MYDGF: variants seen among roughly 807,000 people sequenced by gnomAD.
MYDGF encodes the protein myeloid-derived growth factor.
A neutral mutation model predicts 24.2 loss-of-function variants in MYDGF; 29 were observed. That is an observed-to-expected ratio of 1.20 (90% confidence interval 0.89 to 1.63). The LOEUF is 1.63. Among genes scored for constraint, MYDGF ranks in the 40% most tolerant of loss-of-function variants. The pLI, the probability that MYDGF is intolerant of heterozygous loss-of-function variation, is 0.00. For synonymous variants in MYDGF, 105 were observed against 102.5 expected, an observed-to-expected ratio of 1.02 and a Z score of -0.15; for missense variants, 245 against 234.8, an observed-to-expected ratio of 1.04 and a Z score of -0.29.
intron 5 of MYDGF, among the ~76,000 whole-genome samples, chr19:4,658,732 G>A (rs1266712381): frequency 1.3e-5 from 2 of 152,080 alleles, no homozygotes; most frequent in Non-Finnish European, 2.9e-5. Context: ...CCTCCCCTCG[G>A]CATGCCACAG....
In MYDGF at chr19:4,660,407, C is replaced by T. The variant is rs60390215; in HGVS notation, c.369+262G>A. Among the ~76,000 whole-genome samples, 1,200 of 152,230 alleles carry T rather than the reference C, an allele frequency of 7.9e-3. 50 individuals are homozygous for T. In the East Asian group the frequency reaches 0.12, roughly 15 times the overall value. ...CCTCCCAAATTGCTGGGATTACTGG[C>T]GTGAACCGCCGCGCCTGGCCTGGAG... On this transcript the variant is annotated intron_variant, in intron 4 of 5. Coordinates refer to ENST00000262947, the MANE Select transcript of MYDGF (RefSeq NM_019107.4).
intron 5 of MYDGF, among the ~76,000 whole-genome samples, chr19:4,659,065 C>T (rs895967925): frequency 6.7e-6 from 1 of 149,990 alleles, no homozygotes; most frequent in East Asian, 2.0e-4. Flanking sequence ...AGGTGTGAGC[C>T]ACCATGCCCA....
At position 4,668,707 on chromosome 19, in the gene MYDGF, G is replaced by A. The variant is rs539851858; in HGVS notation, c.175-62C>T. On this transcript the variant is annotated intron_variant, in intron 1 of 5. Transcript: ENST00000262947. ...GAAATTTTTATTTTGTTTAAGAGAC[G>A]GGGTCTTGCTGTCACCCAAGCTGGA... The A allele has an allele frequency of 7.3e-5, 106 of 1,455,298 alleles. No individual in the cohort carries two copies. In the African/African-American group the frequency reaches 1.0e-3, roughly 14 times the overall value. The allele number at this position is 1,455,298 out of a possible 1,614,324, so 90.1% of individuals were successfully genotyped here.
intron 5 of MYDGF, 31 bp downstream of exon 5, chr19:4,659,900 T>C: frequency 6.2e-7 from 1 of 1,607,250 alleles, no homozygotes; most frequent in African/African-American, 1.3e-5. Flanking sequence ...GGGGGTGGCG[T>C]CACCTCTACC....
intron 3 of MYDGF, among the ~76,000 whole-genome samples, chr19:4,664,464 CG>C (rs1245455241): frequency 6.9e-6 from 1 of 144,260 alleles, no homozygotes; most frequent in African/African-American, 2.6e-5. Context: ...CACTACAGCC[CG>C]GGCAAAAGAT....
chr19:4,659,632 G>C (rs368311179), intron 5 of MYDGF: 6 of 493,510 alleles, frequency 1.2e-5, no homozygotes, highest in Admixed American at 6.8e-5. Flanking sequence ...GAGCAGCTGC[G>C]GTAACAGGCA....
intron 5 of MYDGF, 29 bp from the exon 6 acceptor site, chr19:4,658,113 C>G: frequency 1.9e-6 from 3 of 1,588,180 alleles, no homozygotes; most frequent in Non-Finnish European, 2.6e-6. Flanking sequence ...TGGTTGGGCC[C>G]TCAACATTGA....
chr19:4,665,071 T>G (rs1342099576), intron 2 of MYDGF, 134 bp from the exon 3 acceptor site: 4 of 917,806 alleles, frequency 4.4e-6, no homozygotes, highest in Non-Finnish European at 4.9e-6. Context: ...CTAAATCCCC[T>G]GCCCCGCCCT....
chr19:4,659,442 TG>T (rs1185285000), intron 5 of MYDGF, among the ~76,000 whole-genome samples: 10 of 152,164 alleles, frequency 6.6e-5, no homozygotes, highest in African/African-American at 2.4e-4. Context: ...CCAGCTGGTC[TG>T]GAACTCCTGA....
At chr19:4,663,297 C>T (rs1352807290) in intron 3 of MYDGF, among the ~76,000 whole-genome samples, 2 of 140,582 alleles carry the variant, frequency 1.4e-5, no homozygotes, top group African/African-American at 2.8e-5. Flanking sequence ...TCCACCCATC[C>T]CATCCTCATT....
In MYDGF at chr19:4,660,888, C is replaced by T. The variant is rs77125967; in HGVS notation, c.288-138G>A. ...TGCTTCTCAACATGGACGCCATTCC[C>T]GAGCACGAGCACCTGCTGACTGGGA... On this transcript the variant is annotated intron_variant, in intron 3 of 5. Coordinates refer to ENST00000262947, the MANE Select transcript of MYDGF (RefSeq NM_019107.4). 6.1e-3 allele frequency: 3,399 copies of T among 557,004 alleles called. 90 individuals carry two copies. Among genetic ancestry groups the T allele is most frequent in the African/African-American group, 0.057 (2,912 of 51,456 alleles). 34.5% of individuals were successfully genotyped at this position (557,004 alleles called of 1,614,324 possible).
chr19:4,670,293 G>T lies in MYDGF; in HGVS notation c.42C>A (p.Ser14Arg). The change falls in exon 1 of 6, where the codon AGC becomes AGA. Residue 14 changes from serine to arginine, a missense_variant. Coordinates refer to ENST00000262947, the MANE Select transcript of MYDGF (RefSeq NM_019107.4). ...PSGGWNGVGASLWAALLLGAV... is the reference protein window; with the variant it reads ...PSGGWNGVGARLWAALLLGAV... ...CCCCTAGGAGCAGCGCGGCCCACAA[G>T]CTCGCGCCGACGCCGTTCCACCCTC... 1 of 1,513,898 alleles carries T rather than the reference G, an allele frequency of 6.6e-7. No individual in the cohort carries two copies. Among genetic ancestry groups the T allele is most frequent in the Admixed American group, 2.2e-5 (1 of 45,482 alleles). 93.8% of individuals were successfully genotyped at this position (1,513,898 alleles called of 1,614,324 possible).
chr19:4,661,226 A>T (rs551699738), intron 3 of MYDGF, among the ~76,000 whole-genome samples: 2 of 152,196 alleles, frequency 1.3e-5, no homozygotes, highest in South Asian at 4.1e-4. Context: ...TCAGCCTCCC[A>T]GAGGGCTGTG....
At chr19:4,662,514 C>T (rs1002525588) in intron 3 of MYDGF, among the ~76,000 whole-genome samples, 7 of 152,078 alleles carry the variant, frequency 4.6e-5, no homozygotes, top group Admixed American at 6.6e-5. Context: ...ATGAGTGGGG[C>T]GAGTGGAGCC....
chr19:4,662,740 G>C (rs2088480381), intron 3 of MYDGF, among the ~76,000 whole-genome samples: 1 of 152,034 alleles, frequency 6.6e-6, no homozygotes, highest in Non-Finnish European at 1.5e-5. Context: ...TGCTGGTAAA[G>C]ACCTGCCTGA....
intron 2 of MYDGF, 74 bp from the exon 3 acceptor site, chr19:4,665,011 T>G (rs1051582954): frequency 9.3e-6 from 14 of 1,513,114 alleles, no homozygotes; most frequent in Non-Finnish European, 1.3e-5. Context: ...GTGCCTCTGA[T>G]TCTACAGTCA....
chr19:4,664,925 T>A lies in MYDGF; in HGVS notation c.238A>T (p.Ser80Cys). The A allele has an allele frequency of 3.7e-6, 6 of 1,612,834 alleles. No homozygotes were observed. The highest frequency in any genetic ancestry group is 5.1e-6 in the Non-Finnish European group (6 of 1,179,778). ...TGGTGGTCTTCGCTGGTCCCCAGAC[T>A]CATCTGCCATTGCTGGGGAGAGAAG... The part of the protein sequence containing the change: ...QGGTNEQWQM[S>C]LGTSEDHQHF... The change falls in exon 3 of 6, where the codon AGT becomes TGT. Residue 80 changes from serine (S) to cysteine (C), a missense_variant. Coordinates refer to ENST00000262947, the MANE Select transcript of MYDGF (RefSeq NM_019107.4).
chr19:4,669,606 C>CA (rs1278341029), intron 1 of MYDGF, among the ~76,000 whole-genome samples: 1 of 152,092 alleles, frequency 6.6e-6, no homozygotes, highest in Non-Finnish European at 1.5e-5. Flanking sequence ...AAGAAATAGT[C>CA]AAAAAACAGT....
At chr19:4,663,733 A>C (rs1473120660) in intron 3 of MYDGF, among the ~76,000 whole-genome samples, 12 of 15,024 alleles carry the variant, frequency 8.0e-4, no homozygotes, top group Admixed American at 2.9e-3. Context: ...CTCCCCACCC[A>C]CCCCATCCTC....
Sources: allele counts gnomAD v4.1 joint callset (sites outside exome capture counted in the v4.1 genomes callset), GRCh38; gene constraint gnomAD v4.1.1; transcripts MANE v1.5; gene names NCBI Gene and HGNC (gene_info 2026-07-23, HGNC 2026-07-21).